SH3KBP1: variants seen among roughly 807,000 people sequenced by gnomAD.
The protein encoded by SH3KBP1 is SH3 domain containing kinase binding protein 1.
SH3KBP1 carries 8 observed loss-of-function variants against 50.1 expected under a neutral mutation model. That is an observed-to-expected ratio of 0.16 (90% CI 0.09 to 0.29). The LOEUF (loss-of-function observed/expected upper bound fraction) is 0.29. SH3KBP1 is among the 10% of genes least tolerant of loss of function. The probability of loss-of-function intolerance (pLI) is 1.00; values close to 1 mark genes in which losing one functional copy is unlikely to be tolerated. For missense variants in SH3KBP1, 377 were observed against 535.2 expected (o/e 0.70, Z 2.92); for synonymous variants, 227 against 218.6 (o/e 1.04, Z -0.34).
At chrX:19,786,768 A>G (rs1299899482) in intron 2 of SH3KBP1, among the ~76,000 whole-genome samples, 2 of 112,099 alleles carry the variant, frequency 1.8e-5, no homozygotes, top group South Asian at 7.4e-4. Context: ...AATATCATAC[A>G]TTAGCATATC....
intron 7 of SH3KBP1, among the ~76,000 whole-genome samples, chrX:19,635,991 A>T (rs929024898): frequency 1.8e-5 from 2 of 111,617 alleles, no homozygotes; most frequent in Non-Finnish European, 3.8e-5. Context: ...CATCCTTTGG[A>T]TGTGGGAAGA....
At chrX:19,567,554 A>AC (rs2065885073) in intron 13 of SH3KBP1, among the ~76,000 whole-genome samples, 1 of 75,662 alleles carries the variant, frequency 1.3e-5, no homozygotes, top group Non-Finnish European at 2.4e-5. Flanking sequence ...AAAAAAAAAA[A>AC]AAAATATATA....
At chrX:19,572,621 G>A (rs1397601437) in intron 12 of SH3KBP1, among the ~76,000 whole-genome samples, 3 of 109,715 alleles carry the variant, frequency 2.7e-5, no homozygotes, top group African/African-American at 6.6e-5. Context: ...GTGCAGTGGC[G>A]TGATCTCGGC....
Position 19,728,286 on chromosome X carries a change from C to T in SH3KBP1, c.286+18032G>A, listed in dbSNP as rs1453966523. Among the ~76,000 whole-genome samples the T allele has an allele frequency of 2.7e-5, 3 of 111,463 alleles. No individual in the cohort carries two copies. In the East Asian group the frequency reaches 8.4e-4, roughly 31 times the overall value. On this transcript the variant is annotated intron_variant, in intron 3 of 17. Coordinates refer to ENST00000397821, the MANE Select transcript of SH3KBP1 (RefSeq NM_031892.3). The stretch of plus-strand genomic sequence containing the variant: ...GCATTTTCTTTAAACGTCACGTCAG[C>T]ACATAAAAAGTTTCAGATTTTGGAG...
chrX:19,812,016 G>A (rs779757607), intron 2 of SH3KBP1, among the ~76,000 whole-genome samples: 5 of 111,820 alleles, frequency 4.5e-5, no homozygotes, highest in African/African-American at 1.6e-4. Flanking sequence ...CTCCATCTGG[G>A]ACCACCTGCC....
chrX:19,641,660 G>A (rs1214932060), intron 7 of SH3KBP1, among the ~76,000 whole-genome samples: 2 of 111,873 alleles, frequency 1.8e-5, no homozygotes, highest in Non-Finnish European at 3.8e-5. Context: ...GATACATTAT[G>A]TGCTGTTTTC....
chrX:19,703,337 G>A (rs1254732183), intron 4 of SH3KBP1, among the ~76,000 whole-genome samples: 2 of 110,814 alleles, frequency 1.8e-5, no homozygotes, highest in Non-Finnish European at 3.8e-5. Context: ...AAAAAAAACT[G>A]TTGCCAAATT....
chrX:19,722,129 C>T (rs1286138417), intron 3 of SH3KBP1, among the ~76,000 whole-genome samples: 1 of 112,424 alleles, frequency 8.9e-6, no homozygotes, highest in Non-Finnish European at 1.9e-5. Context: ...AGTAACACAT[C>T]ATAACAAAAG....
intron 11 of SH3KBP1, among the ~76,000 whole-genome samples, chrX:19,589,624 A>G (rs1226798431): frequency 9.0e-6 from 1 of 110,821 alleles, no homozygotes; most frequent in East Asian, 2.8e-4. Context: ...TCTGTTCCCA[A>G]CTAGCCTTGC....
At chrX:19,881,829 G>T (rs746960793) in intron 1 of SH3KBP1, among the ~76,000 whole-genome samples, 3 of 111,869 alleles carry the variant, frequency 2.7e-5, no homozygotes, top group East Asian at 5.6e-4. Flanking sequence ...AAAAAATAGG[G>T]TGTTCTAGAA....
intron 2 of SH3KBP1, among the ~76,000 whole-genome samples, chrX:19,789,551 G>A (rs990997488): frequency 1.8e-5 from 2 of 108,963 alleles, no homozygotes; most frequent in African/African-American, 3.4e-5. Flanking sequence ...GTCCTCACAT[G>A]GTCTTTCCTC....
chrX:19,734,446 G>A (rs922628913), intron 3 of SH3KBP1, among the ~76,000 whole-genome samples: 2 of 112,021 alleles, frequency 1.8e-5, no homozygotes, highest in African/African-American at 6.5e-5. Flanking sequence ...GAGGTTAGTG[G>A]TAGGGGACAT....
intron 4 of SH3KBP1, among the ~76,000 whole-genome samples, chrX:19,697,577 T>C (rs1603039564): frequency 8.9e-6 from 1 of 112,251 alleles, no homozygotes; most frequent in Admixed American, 9.5e-5. Flanking sequence ...AAGTGAATAC[T>C]CTACCAAGAT....
At chrX:19,579,233 AATAT>A (rs1337239975) in intron 12 of SH3KBP1, among the ~76,000 whole-genome samples, 9 of 112,140 alleles carry the variant, frequency 8.0e-5, no homozygotes, top group Admixed American at 3.8e-4. Context: ...AGACTCTGCA[AATAT>A]ATCTGGAAGC....
At chrX:19,772,806 C>G (rs1377401308) in intron 2 of SH3KBP1, among the ~76,000 whole-genome samples, 1 of 111,677 alleles carries the variant, frequency 9.0e-6, no homozygotes, top group Non-Finnish European at 1.9e-5. Context: ...TTCCAGCTGG[C>G]TCTTCCTCCT....
At chrX:19,600,252 C>T (rs140313399) in intron 9 of SH3KBP1, among the ~76,000 whole-genome samples, 16 of 110,064 alleles carry the variant, frequency 1.5e-4, no homozygotes, top group East Asian at 2.9e-4. Context: ...GGCGTGGTGG[C>T]GCATGCCTGT....
chrX:19,588,742 G>A lies in SH3KBP1; in HGVS notation c.1199C>T (p.Pro400Leu). The A allele has an allele frequency of 8.3e-7, 1 of 1,200,881 alleles. No homozygotes were observed. The highest frequency in any genetic ancestry group is 1.1e-6 in the Non-Finnish European group (1 of 889,442). The change falls in exon 12 of 18, where the codon CCA becomes CTA. Residue 400 changes from proline (P) to leucine (L), a missense_variant. Physicochemically the swap from Pro to Leu is moderately conservative, Grantham distance 98. Coordinates refer to ENST00000397821, the MANE Select transcript of SH3KBP1 (RefSeq NM_031892.3). ...LQKPSVPAIP[P>L]KKPRPPKTNS... is the part of the protein sequence containing the mutation. ...GGTCTTAGGTGGCCGAGGCTTTTTT[G>A]GCGGTATGGCAGGAACGGAGGGCTT...
intron 13 of SH3KBP1, among the ~76,000 whole-genome samples, chrX:19,566,970 T>C (rs1019419915): frequency 1.8e-5 from 2 of 110,903 alleles, no homozygotes; most frequent in African/African-American, 6.6e-5. Context: ...AGAATGCTCA[T>C]GTTGAGAGCT....
At chrX:19,849,683 G>GA (rs61338118) in intron 1 of SH3KBP1, among the ~76,000 whole-genome samples, 18,526 of 48,616 alleles carry the variant, frequency 0.38, 4,772 homozygotes, top group African/African-American at 0.78. Context: ...GTAGCAGAGT[G>GA]AAAAAAAAAA....
Sources: gnomAD v4.1 joint callset for allele counts (sites outside exome capture counted in the v4.1 genomes callset) on GRCh38, gnomAD v4.1.1 for gene constraint, MANE v1.5 for transcripts, NCBI Gene and HGNC (gene_info 2026-07-23, HGNC 2026-07-21) for gene names.